The following CHEK2 variants were observed in gnomAD, a reference collection of about 807,000 sequenced individuals.
CHEK2 encodes serine/threonine-protein kinase Chk2.
A neutral mutation model predicts 69.1 loss-of-function variants in CHEK2; 71 were observed. That is an observed-to-expected ratio of 1.03 (90% CI 0.85 to 1.25). The LOEUF (loss-of-function observed/expected upper bound fraction) is 1.25. Among genes scored for constraint, CHEK2 ranks in the 50% most tolerant of loss-of-function variants. The probability of loss-of-function intolerance (pLI) is 0.00; values close to 1 mark genes in which losing one functional copy is unlikely to be tolerated. For missense variants in CHEK2, 664 were observed against 649.6 expected, an observed-to-expected ratio of 1.02 and a Z score of -0.24; for synonymous variants, 189 against 226.9, an observed-to-expected ratio of 0.83 and a Z score of 1.50.
intron 12 of CHEK2, among the ~76,000 whole-genome samples, chr22:28,694,504 T>C (rs1466102053): frequency 1.3e-5 from 2 of 152,148 alleles, no homozygotes; most frequent in Middle Eastern, 3.2e-3. Context: ...AGGGAGAGGC[T>C]CCCTGGAACT....
At chr22:28,695,532 C>T (rs1418680618) in intron 11 of CHEK2, among the ~76,000 whole-genome samples, 178 bp downstream of exon 11, 2 of 152,114 alleles carry the variant, frequency 1.3e-5, no homozygotes, top group Non-Finnish European at 2.9e-5. Flanking sequence ...TGGTGTGCAT[C>T]TGTAGTCCCA....
rs58149342 is a variant in CHEK2, at chr22:28,729,540, C to CAAAAAAAAAAAAAAAAAAAAAAAAAA, written c.320-4174_320-4173insTTTTTTTTTTTTTTTTTTTTTTTTTT. Among the ~76,000 whole-genome samples, 5 of 83,090 alleles carry CAAAAAAAAAAAAAAAAAAAAAAAAAA rather than the reference C, an allele frequency of 6.0e-5. 1 individual carries two copies. The highest frequency in any genetic ancestry group is 8.7e-5 in the Non-Finnish European group (4 of 46,208). The allele number at this position is 83,090 out of a possible 152,430, so 54.5% of individuals were successfully genotyped here. A position where few individuals can be genotyped will look rare whatever the true frequency, so the allele number is the denominator to read the frequency against. ...CCTGGGCGACAGCGAGACTCCATCTCAAAAAAAAAAAAAAAAAAAAAAAAA... is the reference window on the plus strand; with the variant it reads ...CCTGGGCGACAGCGAGACTCCATCTCAAAAAAAAAAAAAAAAAAAAAAAAAAAAAAAAAAAAAAAAAAAAAAAAAAA... On this transcript the variant is annotated intron_variant, in intron 2 of 14. Coordinates refer to ENST00000404276, the MANE Select transcript of CHEK2 (RefSeq NM_007194.4).
At chr22:28,697,721 C>T (rs1186440935) in intron 9 of CHEK2, among the ~76,000 whole-genome samples, 1 of 152,022 alleles carries the variant, frequency 6.6e-6, no homozygotes, top group Non-Finnish European at 1.5e-5. Flanking sequence ...AGGCACAAAG[C>T]ATGCCACTTC....
chr22:28,726,500 A>G (rs1192031867), intron 2 of CHEK2: 1 of 146,350 alleles, frequency 6.8e-6, no homozygotes, highest in African/African-American at 2.5e-5. Flanking sequence ...AAATATAATT[A>G]TATATTTATA....
At chr22:28,690,982 G>C (rs1425537037) in intron 13 of CHEK2, among the ~76,000 whole-genome samples, 1 of 152,062 alleles carries the variant, frequency 6.6e-6, no homozygotes, top group African/African-American at 2.4e-5. Context: ...GATCACTTGA[G>C]GTCACTCTGT....
intron 10 of CHEK2, 75 bp downstream of exon 10, chr22:28,696,826 T>A: frequency 2.0e-6 from 2 of 1,000,492 alleles, no homozygotes; most frequent in South Asian, 2.6e-5. Flanking sequence ...ACGCTCCCAC[T>A]TTTTATTTGA....
intron 13 of CHEK2, among the ~76,000 whole-genome samples, chr22:28,690,760 C>T (rs2052331380): frequency 6.6e-6 from 1 of 151,122 alleles, no homozygotes; most frequent in Non-Finnish European, 1.5e-5. Context: ...TGCCACTGCA[C>T]TCCAGCCTAG....
At chr22:28,708,221 T>C (rs574285283) in intron 7 of CHEK2, among the ~76,000 whole-genome samples, 3 of 152,094 alleles carry the variant, frequency 2.0e-5, no homozygotes, top group Non-Finnish European at 4.4e-5. Context: ...CAGGGTATGG[T>C]GTGGCACATG....
At chr22:28,739,162 T>C (rs2054492815) in intron 1 of CHEK2, among the ~76,000 whole-genome samples, 1 of 151,766 alleles carries the variant, frequency 6.6e-6, no homozygotes, top group African/African-American at 2.4e-5. Context: ...CCCAGCTACT[T>C]GGTAGGCTGA....
At chr22:28,722,555 A>C (rs566660275) in intron 4 of CHEK2, among the ~76,000 whole-genome samples, 10 of 146,598 alleles carry the variant, frequency 6.8e-5, no homozygotes, top group Non-Finnish European at 1.2e-4. Context: ...AAAAAAAAAA[A>C]AAAAGAAAAG....
chr22:28,692,445 C>T (rs1453618830), intron 13 of CHEK2, among the ~76,000 whole-genome samples: 1 of 151,152 alleles, frequency 6.6e-6, no homozygotes, highest in Non-Finnish European at 1.5e-5. Context: ...GTTTCCAGGG[C>T]AACATCCAAA....
chr22:28,729,664 T>C (rs1372048987), intron 2 of CHEK2, among the ~76,000 whole-genome samples: 1 of 149,980 alleles, frequency 6.7e-6, no homozygotes, highest in African/African-American at 2.5e-5. Flanking sequence ...CAGAAAAAAA[T>C]TTTGGCAAAA....
At chr22:28,737,080 C>A (rs2054432734) in intron 1 of CHEK2, among the ~76,000 whole-genome samples, 1 of 152,158 alleles carries the variant, frequency 6.6e-6, no homozygotes, top group Non-Finnish European at 1.5e-5. Context: ...CAAACTCAGG[C>A]TACTACTCTA....
intron 4 of CHEK2, among the ~76,000 whole-genome samples, chr22:28,720,854 T>A (rs900919744): frequency 6.6e-6 from 1 of 152,248 alleles, no homozygotes; most frequent in Non-Finnish European, 1.5e-5. Context: ...CAAGGTTTAC[T>A]TCAAGGGCTC....
At chr22:28,734,338 G>T (rs1452721339) in intron 2 of CHEK2, 65 bp downstream of exon 2, 2 of 1,507,552 alleles carry the variant, frequency 1.3e-6, no homozygotes, top group South Asian at 2.3e-5. Context: ...CTTCCACCTG[G>T]TAATACAACT....
chr22:28,719,398 C>T lies in CHEK2; in HGVS notation c.680G>A (p.Gly227Glu), dbSNP rs2053689692. Residue 227 changes from glycine (G) to glutamate (E), a missense_variant, in exon 5 of 15, where the codon GGA (glycine) becomes GAA (glutamate). Coordinates refer to ENST00000404276, the MANE Select transcript of CHEK2 (RefSeq NM_007194.4). ...TTTATATAAGAAAATAATTTACCTT[C>T]CAAGAGTTTTTGACATGATGTATTC... The part of the protein sequence containing the change: ...RDEYIMSKTL[G>E]SGACGEVKLA... 2 of 1,560,242 alleles carry T rather than the reference C, an allele frequency of 1.3e-6. No homozygotes were observed. The highest frequency in any genetic ancestry group is 2.3e-5 in the South Asian group (2 of 86,348).
Position 28,697,001 on chromosome 22 carries a change from C to T in CHEK2, c.1009-14G>A, listed in dbSNP as rs1172442364. On this transcript the variant is annotated splice_polypyrimidine_tract_variant and intron_variant, in intron 9 of 14. Coordinates refer to ENST00000404276, the MANE Select transcript of CHEK2 (RefSeq NM_007194.4). ...TTCATGAAGGTACTACACAGAAAGG[C>T]AGGCATGACCCTCAGATTCATGCAG... 1.3e-6 allele frequency: 2 copies of T among 1,544,130 alleles called. No homozygotes were observed. Among genetic ancestry groups the T allele is most frequent in the East Asian group, 2.2e-5 (1 of 44,554 alleles).
Position 28,699,907 on chromosome 22 carries a change from C to G in CHEK2, c.939G>C (p.Val313=). Residue 313 remains valine, a synonymous_variant, in exon 9 of 15, where the codon GTG becomes GTC. Coordinates refer to ENST00000404276, the MANE Select transcript of CHEK2 (RefSeq NM_007194.4). ...CTTCTTTCAGGCGTTTATTCCCCAC[C>G]ACTTTGTCAAACAGCTCTCCCCCTT... ...LMEGGELFDK[V]VGNKRLKEAT... 1 of 1,614,062 alleles carries G rather than the reference C, an allele frequency of 6.2e-7. No homozygotes were observed. Among genetic ancestry groups the G allele is most frequent in the Middle Eastern group, 1.6e-4 (1 of 6,062 alleles).
At chr22:28,700,097 A>C (rs539426592) in intron 8 of CHEK2, among the ~76,000 whole-genome samples, 160 bp from the exon 9 acceptor site, 1 of 152,304 alleles carries the variant, frequency 6.6e-6, no homozygotes, top group South Asian at 2.1e-4. Context: ...TTTATTCACA[A>C]TCAGATGTCC....
Sources: allele counts gnomAD v4.1 joint callset (sites outside exome capture counted in the v4.1 genomes callset), GRCh38; gene constraint gnomAD v4.1.1; transcripts MANE v1.5; gene names NCBI Gene and HGNC (gene_info 2026-07-23, HGNC 2026-07-21).